The following ATP5F1E variants were observed in gnomAD, a reference collection of about 807,000 sequenced individuals.
ATP5F1E encodes the protein ATP synthase F(1) complex subunit epsilon, mitochondrial.
ATP5F1E carries 5 observed loss-of-function variants against 7.0 expected under a neutral mutation model. That is an observed-to-expected ratio of 0.71 (90% CI 0.37 to 1.49). ATP5F1E has a LOEUF of 1.49. Ranked by LOEUF, ATP5F1E falls within the 40% of genes most tolerant of loss-of-function variation. ATP5F1E has a pLI of 0.03. For synonymous variants in ATP5F1E, 20 were observed against 20.1 expected (o/e 0.99, Z 0.02); for missense variants, 59 against 57.1 (o/e 1.03, Z -0.11).
In ATP5F1E at chr20:59,025,519, A is replaced by G. The variant is rs1053012293; in HGVS notation, c.*3326T>C. 3.9e-5 allele frequency: 6 copies of G among 152,318 alleles called. No individual in the cohort carries two copies. The highest frequency in any genetic ancestry group is 9.6e-5 in the African/African-American group (4 of 41,468). 9.4% of individuals were successfully genotyped at this position (152,318 alleles called of 1,614,324 possible). On this transcript the variant is annotated 3_prime_UTR_variant, in exon 3 of 3. Coordinates refer to ENST00000243997, the MANE Select transcript of ATP5F1E (RefSeq NM_006886.4). ...TTTCTGAAGAGCTAGCCTTTAACAT[A>G]TATGTTTATATAGTTTAAATTTCTT...
chr20:59,028,645 T>C lies in ATP5F1E; in HGVS notation c.*200A>G, dbSNP rs760505189. On this transcript the variant is annotated 3_prime_UTR_variant, in exon 3 of 3. Transcript: ENST00000243997. Reference sequence around the variant, plus strand: ...TCATGCAGCTGTGCAGACAGTTCCTTTAAAGAAAATGAAAAAGTCTCACAA... The same window carrying C: ...TCATGCAGCTGTGCAGACAGTTCCTCTAAAGAAAATGAAAAAGTCTCACAA... The C allele has an allele frequency of 6.0e-6, 1 of 166,852 alleles. No individual in the cohort carries two copies. The highest frequency in any genetic ancestry group is 1.5e-5 in the Non-Finnish European group (1 of 68,132). 10.3% of individuals were successfully genotyped at this position (166,852 alleles called of 1,614,324 possible).
chr20:59,026,547 T>C lies in ATP5F1E; in HGVS notation c.*2298A>G, dbSNP rs2091995663. ...AAACTTTTGCTGACTTATATTACTG[T>C]AAAGATTTGTTTGCTCAATAGTAAT... On this transcript the variant is annotated 3_prime_UTR_variant, in exon 3 of 3. Coordinates refer to ENST00000243997, the MANE Select transcript of ATP5F1E (RefSeq NM_006886.4). 6.6e-6 allele frequency: 1 copy of C among 152,250 alleles called. No individual in the cohort carries two copies. The highest frequency in any genetic ancestry group is 6.5e-5 in the Admixed American group (1 of 15,282). 9.4% of individuals were successfully genotyped at this position (152,250 alleles called of 1,614,324 possible). A position where few individuals can be genotyped will look rare whatever the true frequency, so the allele number is the denominator to read the frequency against.
At chr20:59,030,547 T>C (rs2092020833) in intron 1 of ATP5F1E, 118 bp from the exon 2 acceptor site, 2 of 1,302,986 alleles carry the variant, frequency 1.5e-6, no homozygotes, top group Non-Finnish European at 1.1e-6. Flanking sequence ...TACCTTATTG[T>C]AGAATTGGAT....
rs146230809 is a variant in ATP5F1E at position 59,030,376 on chromosome 20, G to T, written c.86C>A (p.Thr29Lys). The change falls in exon 2 of 3, where the codon ACA becomes AAA. Residue 29 changes from threonine (T) to lysine (K), a missense_variant. Thr to Lys is a moderately conservative substitution (Grantham distance 78, BLOSUM62 -1). Coordinates refer to ENST00000243997, the MANE Select transcript of ATP5F1E (RefSeq NM_006886.4). ...CAKAVRDALK[T>K]EFKANAEKTS... ...CTTCTCAGCATTTGCTTTGAATTCTGTCTTCAGTGCATCTCTCACTGCTTT... is the reference window on the plus strand; with the variant it reads ...CTTCTCAGCATTTGCTTTGAATTCTTTCTTCAGTGCATCTCTCACTGCTTT... The T allele has an allele frequency of 2.4e-4, 394 of 1,613,872 alleles. No individual in the cohort carries two copies. In the African/African-American group the frequency reaches 4.4e-3, roughly 18 times the overall value.
intron 1 of ATP5F1E, among the ~76,000 whole-genome samples, chr20:59,031,991 C>T (rs2092034930): frequency 6.6e-6 from 1 of 152,276 alleles, no homozygotes; most frequent in African/African-American, 2.4e-5. Flanking sequence ...GGTGCTGGGC[C>T]GCACCGTCGG....
At position 59,030,378 on chromosome 20, in the gene ATP5F1E, C is replaced by G. The variant is rs2092018930; in HGVS notation, c.84G>C (p.Lys28Asn). ...ICAKAVRDALKTEFKANAEKT... is the reference protein window; with the variant it reads ...ICAKAVRDALNTEFKANAEKT... ...TCTCAGCATTTGCTTTGAATTCTGTCTTCAGTGCATCTCTCACTGCTTTTG... is the reference window on the plus strand; with the variant it reads ...TCTCAGCATTTGCTTTGAATTCTGTGTTCAGTGCATCTCTCACTGCTTTTG... Residue 28 changes from lysine (K) to asparagine (N), a missense_variant, in exon 2 of 3, where the codon AAG (lysine) becomes AAC (asparagine). Coordinates refer to ENST00000243997, the MANE Select transcript of ATP5F1E (RefSeq NM_006886.4). 1 of 1,613,922 alleles carries G rather than the reference C, an allele frequency of 6.2e-7. No homozygotes were observed. The highest frequency in any genetic ancestry group is 8.5e-7 in the Non-Finnish European group (1 of 1,179,896).
In ATP5F1E at chr20:59,026,326, T is replaced by C. The variant is rs945212847; in HGVS notation, c.*2519A>G. On this transcript the variant is annotated 3_prime_UTR_variant, in exon 3 of 3. Coordinates refer to ENST00000243997, the MANE Select transcript of ATP5F1E (RefSeq NM_006886.4). The stretch of plus-strand genomic sequence containing the variant: ...TCATGTTTTAAATGCTTTCTACTTG[T>C]GGTTCAAGAAGCACTAGATTTAGTA... 6.6e-6 allele frequency: 1 copy of C among 152,236 alleles called. No individual in the cohort carries two copies. Among genetic ancestry groups the C allele is most frequent in the Non-Finnish European group, 1.5e-5 (1 of 68,038 alleles). The allele number at this position is 152,236 out of a possible 1,614,324, so 9.4% of individuals were successfully genotyped here. A position where few individuals can be genotyped will look rare whatever the true frequency, so the allele number is the denominator to read the frequency against.
intron 1 of ATP5F1E, 151 bp downstream of exon 1, chr20:59,032,069 C>T: frequency 8.9e-7 from 1 of 1,121,826 alleles, no homozygotes; most frequent in Non-Finnish European, 1.3e-6. Context: ...GCGCTTTGCC[C>T]ACAGCGACGC....
intron 1 of ATP5F1E, 39 bp downstream of exon 1, chr20:59,032,181 C>T (rs753746581): frequency 7.7e-6 from 12 of 1,553,638 alleles, no homozygotes; most frequent in Non-Finnish European, 1.0e-5. Flanking sequence ...GCGCGCGGGC[C>T]GGCTCGCGAA....
rs2092001261 is a variant in ATP5F1E at position 59,027,617 on chromosome 20, G to T, written c.*1228C>A. 1 of 152,028 alleles carries T rather than the reference G, an allele frequency of 6.6e-6. No individual in the cohort carries two copies. The highest frequency in any genetic ancestry group is 2.4e-5 in the African/African-American group (1 of 41,392). The allele number at this position is 152,028 out of a possible 1,614,324, so 9.4% of individuals were successfully genotyped here. The stretch of plus-strand genomic sequence containing the variant: ...ATACTTCCTAGTACCTTAATCTTGG[G>T]GGCCACAGCACTGAACTGAGGTGCC... On this transcript the variant is annotated 3_prime_UTR_variant, in exon 3 of 3. Transcript: ENST00000243997.
Position 59,026,586 on chromosome 20 carries a change from A to C in ATP5F1E, c.*2259T>G, listed in dbSNP as rs1037570098. The stretch of plus-strand genomic sequence containing the variant: ...CTCAATAGTAATCATTAAACTACAA[A>C]GTAATTCAATTTTAAATGGCAAAAT... On this transcript the variant is annotated 3_prime_UTR_variant, in exon 3 of 3. Coordinates refer to ENST00000243997, the MANE Select transcript of ATP5F1E (RefSeq NM_006886.4). The C allele has an allele frequency of 6.6e-6, 1 of 152,264 alleles. No homozygotes were observed. The highest frequency in any genetic ancestry group is 1.9e-4 in the East Asian group (1 of 5,200). The allele number at this position is 152,264 out of a possible 1,614,324, so 9.4% of individuals were successfully genotyped here. A position where few individuals can be genotyped will look rare whatever the true frequency, so the allele number is the denominator to read the frequency against.
At chr20:59,031,137 T>C (rs1235204353) in intron 1 of ATP5F1E, among the ~76,000 whole-genome samples, 1 of 152,202 alleles carries the variant, frequency 6.6e-6, no homozygotes, top group Non-Finnish European at 1.5e-5. Context: ...GGGGTGCTAT[T>C]TTCTCATGTT....
In ATP5F1E at chr20:59,028,113, G is replaced by A. The variant is rs980010201; in HGVS notation, c.*732C>T. 3 of 152,158 alleles carry A rather than the reference G, an allele frequency of 2.0e-5. No individual in the cohort carries two copies. The highest frequency in any genetic ancestry group is 2.1e-4 in the South Asian group (1 of 4,826). 9.4% of individuals were successfully genotyped at this position (152,158 alleles called of 1,614,324 possible). A position where few individuals can be genotyped will look rare whatever the true frequency, so the allele number is the denominator to read the frequency against. On this transcript the variant is annotated 3_prime_UTR_variant, in exon 3 of 3. Transcript: ENST00000243997. ...GAATGAATCACTATGGAAATACCAC[G>A]AAACTGCTGTTGTGGTCACCGTGTC...
At chr20:59,030,192 A>G in intron 2 of ATP5F1E, 111 bp downstream of exon 2, 1 of 1,421,724 alleles carries the variant, frequency 7.0e-7, no homozygotes, top group Non-Finnish European at 9.6e-7. Context: ...ACTAACTTCC[A>G]AATACACTGA....
At chr20:59,031,485 C>A (rs1174425561) in intron 1 of ATP5F1E, among the ~76,000 whole-genome samples, 1 of 152,188 alleles carries the variant, frequency 6.6e-6, no homozygotes. Flanking sequence ...ATGTAAAGTG[C>A]TACACCATCC....
At position 59,028,242 on chromosome 20, in the gene ATP5F1E, C is replaced by T. The variant is rs1349210225; in HGVS notation, c.*603G>A. ...GCCTCATTTCCTATGAGAAATGCTA[C>T]CAGAGTATAAAGATTCATTTACAAA... On this transcript the variant is annotated 3_prime_UTR_variant, in exon 3 of 3. Coordinates refer to ENST00000243997, the MANE Select transcript of ATP5F1E (RefSeq NM_006886.4). 1 of 152,168 alleles carries T rather than the reference C, an allele frequency of 6.6e-6. No homozygotes were observed. The highest frequency in any genetic ancestry group is 2.4e-5 in the African/African-American group (1 of 41,430). 9.4% of individuals were successfully genotyped at this position (152,168 alleles called of 1,614,324 possible). A position where few individuals can be genotyped will look rare whatever the true frequency, so the allele number is the denominator to read the frequency against.
intron 1 of ATP5F1E, among the ~76,000 whole-genome samples, chr20:59,031,503 T>C (rs1471684872): frequency 6.6e-6 from 1 of 152,178 alleles, no homozygotes; most frequent in African/African-American, 2.4e-5. Context: ...TCCAGTCAAC[T>C]AACAAGGTGT....
At position 59,028,551 on chromosome 20, in the gene ATP5F1E, C is replaced by A. The variant is rs547934865; in HGVS notation, c.*294G>T. 6.3e-6 allele frequency: 1 copy of A among 158,534 alleles called. No individual in the cohort carries two copies. Among genetic ancestry groups the A allele is most frequent in the Non-Finnish European group, 1.5e-5 (1 of 68,086 alleles). 9.8% of individuals were successfully genotyped at this position (158,534 alleles called of 1,614,324 possible). ...GACATTTTCAAAATGCTTTCTGTATCCCTTTGGTCACTAAATATTAAATCT... is the reference window on the plus strand; with the variant it reads ...GACATTTTCAAAATGCTTTCTGTATACCTTTGGTCACTAAATATTAAATCT... On this transcript the variant is annotated 3_prime_UTR_variant, in exon 3 of 3. Coordinates refer to ENST00000243997, the MANE Select transcript of ATP5F1E (RefSeq NM_006886.4).
Position 59,032,297 on chromosome 20 carries a change from G to A in ATP5F1E, c.-46C>T, listed in dbSNP as rs374732925. The A allele has an allele frequency of 1.2e-3, 1,921 of 1,584,244 alleles. 1 individual carries two copies. Among genetic ancestry groups the A allele is most frequent in the Non-Finnish European group, 1.5e-3 (1,755 of 1,165,256 alleles). On this transcript the variant is annotated 5_prime_UTR_variant, in exon 1 of 3. Transcript: ENST00000243997. ...CGTCGGGCCGAATCGCCAAGACGCC[G>A]GCAATGTCGGCTCAGCCGGGCGGTT...
Sources: allele counts gnomAD v4.1 joint callset (sites outside exome capture counted in the v4.1 genomes callset), GRCh38; gene constraint gnomAD v4.1.1; transcripts MANE v1.5; gene names NCBI Gene and HGNC (gene_info 2026-07-23, HGNC 2026-07-21).